The following UGT1A10 variants were observed in gnomAD, a reference collection of about 807,000 sequenced individuals.
The protein encoded by UGT1A10 is UDP-glucuronosyltransferase 1A10.
In UGT1A10, 49 loss-of-function variants were observed where a neutral mutation model predicts 45.8. The ratio of observed to expected loss-of-function variants is 1.07; its 90% CI spans 0.85 to 1.36. The LOEUF (loss-of-function observed/expected upper bound fraction) is 1.36. Among genes scored for constraint, UGT1A10 ranks in the 40% most tolerant of loss-of-function variants. UGT1A10 has a pLI of 0.00. For synonymous variants in UGT1A10, 284 were observed against 249.7 expected, an observed-to-expected ratio of 1.14 and a Z score of -1.29; for missense variants, 745 against 668.6, an observed-to-expected ratio of 1.11 and a Z score of -1.26.
intron 1 of UGT1A10, among the ~76,000 whole-genome samples, chr2:233,746,718 T>C (rs1161016418): frequency 6.6e-6 from 1 of 151,822 alleles, no homozygotes; most frequent in Non-Finnish European, 1.5e-5. Flanking sequence ...ATAAGGGAAT[T>C]AGCAATGGAT....
chr2:233,668,876 TCTC>T (rs2074128454), intron 1 of UGT1A10, among the ~76,000 whole-genome samples: 1 of 152,250 alleles, frequency 6.6e-6, no homozygotes, highest in African/African-American at 2.4e-5. Context: ...ATTTGTTTCA[TCTC>T]CTCTAGCCTG....
intron 1 of UGT1A10, among the ~76,000 whole-genome samples, chr2:233,741,049 G>T (rs1450798291): frequency 1.3e-5 from 2 of 151,748 alleles, no homozygotes; most frequent in Non-Finnish European, 2.9e-5. Context: ...ATCTTGCCTA[G>T]GTAACAGCTA....
intron 1 of UGT1A10, among the ~76,000 whole-genome samples, chr2:233,643,116 G>A (rs577710669): frequency 2.3e-4 from 35 of 152,344 alleles, no homozygotes; most frequent in East Asian, 9.7e-4. Flanking sequence ...CAGCCAGCCA[G>A]ACCTGCATCC....
intron 1 of UGT1A10, among the ~76,000 whole-genome samples, chr2:233,686,347 T>C (rs1575436324): frequency 6.6e-6 from 1 of 152,264 alleles, no homozygotes; most frequent in East Asian, 1.9e-4. Context: ...AAAGCTTTTG[T>C]ATATCAAAGG....
intron 1 of UGT1A10, among the ~76,000 whole-genome samples, chr2:233,724,520 T>C (rs200973045): frequency 0.41 from 41,671 of 101,172 alleles, 10,045 homozygotes; most frequent in African/African-American, 0.66. Flanking sequence ...ACCTCCCAGA[T>C]GGGGTCTCGC....
chr2:233,672,899 C>A, intron 1 of UGT1A10: 1 of 1,510,914 alleles, frequency 6.6e-7, no homozygotes, highest in Non-Finnish European at 8.8e-7. Context: ...TTTCAAATTT[C>A]TTTCCAGTTT....
At chr2:233,666,204 A>G (rs1278478704) in intron 1 of UGT1A10, among the ~76,000 whole-genome samples, 1 of 152,130 alleles carries the variant, frequency 6.6e-6, no homozygotes, top group East Asian at 1.9e-4. Flanking sequence ...TCTTGCTGAA[A>G]CTAATAGATG....
At chr2:233,728,679 GAA>G (rs1247668399) in intron 1 of UGT1A10, among the ~76,000 whole-genome samples, 1 of 152,248 alleles carries the variant, frequency 6.6e-6, no homozygotes, top group Non-Finnish European at 1.5e-5. Flanking sequence ...TACATGAGAA[GAA>G]AGTTTCAAGG....
chr2:233,729,735 C>A, intron 1 of UGT1A10: 1 of 1,614,000 alleles, frequency 6.2e-7, no homozygotes, highest in South Asian at 1.1e-5. Context: ...CCAATTCAGA[C>A]CACATGACAT....
chr2:233,657,108 C>T (rs1260460402), intron 1 of UGT1A10, among the ~76,000 whole-genome samples: 1 of 152,134 alleles, frequency 6.6e-6, no homozygotes, highest in African/African-American at 2.4e-5. Context: ...CACAATACAC[C>T]GTCTCTTTGG....
intron 1 of UGT1A10, among the ~76,000 whole-genome samples, chr2:233,700,963 T>G (rs1349479998): frequency 6.6e-6 from 1 of 151,662 alleles, no homozygotes; most frequent in Admixed American, 6.6e-5. Flanking sequence ...AGTGAGAACA[T>G]GCGGTGTTTG....
chr2:233,682,367 G>A, intron 1 of UGT1A10: 2 of 1,614,052 alleles, frequency 1.2e-6, no homozygotes, highest in South Asian at 1.1e-5. Flanking sequence ...TTGTTTTGAT[G>A]CAGTGTTTCT....
At chr2:233,713,126 G>A in intron 1 of UGT1A10, 1 of 1,614,234 alleles carries the variant, frequency 6.2e-7, no homozygotes. Context: ...TCAGCATGCG[G>A]GAGGCCTTGC....
chr2:233,742,517 C>A (rs1053081898), intron 1 of UGT1A10, among the ~76,000 whole-genome samples: 5 of 151,892 alleles, frequency 3.3e-5, no homozygotes, highest in African/African-American at 1.2e-4. Context: ...GAACACGTCA[C>A]AGTGCTGCAG....
At chr2:233,648,798 C>A (rs2073668526) in intron 1 of UGT1A10, 1 of 925,754 alleles carries the variant, frequency 1.1e-6, no homozygotes, top group South Asian at 1.3e-5. Flanking sequence ...GAGTAAGGAA[C>A]CACATCTTCT....
In UGT1A10 at chr2:233,696,102, C is replaced by T. The variant is rs1474928596; in HGVS notation, c.855+58725C>T. On this transcript the variant is annotated intron_variant, in intron 1 of 4. Coordinates refer to ENST00000344644, the MANE Select transcript of UGT1A10 (RefSeq NM_019075.4). ...AGTATGGAGAGTCTTCAAAACAAAACAAAACAAAAAGAACTAGAACTGCCC... is the reference window on the plus strand; with the variant it reads ...AGTATGGAGAGTCTTCAAAACAAAATAAAACAAAAAGAACTAGAACTGCCC... Among the ~76,000 whole-genome samples, 3 of 152,080 alleles carry T rather than the reference C, an allele frequency of 2.0e-5. No individual in the cohort carries two copies. The East Asian group carries it at 5.8e-4, about 29-fold the overall frequency.
At chr2:233,654,984 G>A (rs1235686674) in intron 1 of UGT1A10, among the ~76,000 whole-genome samples, 4 of 152,022 alleles carry the variant, frequency 2.6e-5, no homozygotes, top group Non-Finnish European at 5.9e-5. Flanking sequence ...ATAGCTACTC[G>A]AGTCTGAGGC....
At chr2:233,759,230 A>AG (rs1697089721) in intron 1 of UGT1A10, among the ~76,000 whole-genome samples, 1 of 152,196 alleles carries the variant, frequency 6.6e-6, no homozygotes, top group African/African-American at 2.4e-5. Flanking sequence ...CAAATGAAGG[A>AG]TGGAAACTTG....
intron 1 of UGT1A10, chr2:233,719,812 C>G: frequency 6.3e-7 from 1 of 1,587,558 alleles, no homozygotes; most frequent in South Asian, 1.1e-5. Context: ...TTCTTTATAA[C>G]AGATAAACTG....
Sources: gnomAD v4.1 joint callset for allele counts (sites outside exome capture counted in the v4.1 genomes callset) on GRCh38, gnomAD v4.1.1 for gene constraint, MANE v1.5 for transcripts, NCBI Gene and HGNC (gene_info 2026-07-23, HGNC 2026-07-21) for gene names.